The following PIP5K1C variants were observed in gnomAD, a reference collection of about 807,000 sequenced individuals.
The protein encoded by PIP5K1C is phosphatidylinositol-4-phosphate 5-kinase type 1 gamma.
In PIP5K1C, 45 loss-of-function variants were observed where a neutral mutation model predicts 80.1. The ratio of observed to expected loss-of-function variants is 0.56; its 90% CI spans 0.44 to 0.72. The LOEUF (loss-of-function observed/expected upper bound fraction) is 0.72, where lower values mean the gene tolerates loss of function less well. Ranked by LOEUF, PIP5K1C falls within the 30% of genes least tolerant of loss-of-function variation. The pLI, the probability that PIP5K1C is intolerant of heterozygous loss-of-function variation, is 0.00. For synonymous variants in PIP5K1C, 498 were observed against 420.1 expected (o/e 1.19, Z -2.27); for missense variants, 753 against 954.6 (o/e 0.79, Z 2.78).
chr19:3,688,840 C>T lies in PIP5K1C; in HGVS notation c.94+11457G>A, dbSNP rs974640479. ...CCCACGTCGCCATGGCCCCCCACCC[C>T]GTTTTTGAGCCCCCACACAGCCGAA... On this transcript the variant is annotated intron_variant, in intron 1 of 17. Transcript: ENST00000335312. This position sits in a 1 kb window ranked among gnomAD's most constrained non-coding sequence, Gnocchi z 5.3. 3.3e-5 allele frequency among the ~76,000 whole-genome samples: 5 copies of T among 152,190 alleles called. No homozygotes were observed. In the South Asian group the frequency reaches 6.2e-4, roughly 19 times the overall value.
rs922350252 is a variant in PIP5K1C, at chr19:3,692,329, C to T, written c.94+7968G>A. Among the ~76,000 whole-genome samples, 1 of 152,176 alleles carries T rather than the reference C, an allele frequency of 6.6e-6. No homozygotes were observed. The highest frequency in any genetic ancestry group is 1.5e-5 in the Non-Finnish European group (1 of 68,020). On this transcript the variant is annotated intron_variant, in intron 1 of 17. Transcript: ENST00000335312. The surrounding 1 kb of genome is among the most constrained non-coding windows in gnomAD (Gnocchi z 5.2). Reference sequence around the variant, plus strand: ...CCAGTCCCACTGCCGGCTCCCACCACGGCCCCCAACGCTCCCTACAGGGGC... The same window carrying T: ...CCAGTCCCACTGCCGGCTCCCACCATGGCCCCCAACGCTCCCTACAGGGGC...
In PIP5K1C at chr19:3,637,165, G is replaced by A; in HGVS notation, c.1920+1719C>T. ...AGCGGGGCCACGGGCAGCCAGGTCT[G>A]CACGAGTGAGAAGCGTCCACCCAAG... On this transcript the variant is annotated intron_variant, in intron 16 of 17. Coordinates refer to ENST00000335312, the MANE Select transcript of PIP5K1C (RefSeq NM_012398.3). The surrounding 1 kb of genome is among the most constrained non-coding windows in gnomAD (Gnocchi z 7.0). The A allele has an allele frequency of 7.1e-7, 1 of 1,417,074 alleles. No individual in the cohort carries two copies. Among genetic ancestry groups the A allele is most frequent in the Non-Finnish European group, 9.2e-7 (1 of 1,088,416 alleles). The allele number at this position is 1,417,074 out of a possible 1,614,324, so 87.8% of individuals were successfully genotyped here.
chr19:3,689,973 A>G (rs543499957), intron 1 of PIP5K1C, among the ~76,000 whole-genome samples: 1 of 152,050 alleles, frequency 6.6e-6, no homozygotes, highest in Non-Finnish European at 1.5e-5. Context: ...CAAATAAACT[A>G]TTTTTAATAG....
intron 1 of PIP5K1C, among the ~76,000 whole-genome samples, chr19:3,668,200 G>C (rs997636010): frequency 6.6e-6 from 1 of 152,112 alleles, no homozygotes; most frequent in African/African-American, 2.4e-5. Context: ...GCTGGGACGA[G>C]GGGAGCAGGC....
At chr19:3,668,530 TG>T (rs1458708485) in intron 1 of PIP5K1C, 1 of 151,680 alleles carries the variant, frequency 6.6e-6, no homozygotes, top group African/African-American at 2.4e-5. Flanking sequence ...CTCTGCAGCT[TG>T]TGCTGGGCCC....
chr19:3,700,067 G>T (rs1211137234), intron 1 of PIP5K1C, among the ~76,000 whole-genome samples: 1 of 151,934 alleles, frequency 6.6e-6, no homozygotes, highest in Non-Finnish European at 1.5e-5. Flanking sequence ...ACGCCGAGTC[G>T]CCCCCGGCCC....
At chr19:3,671,751 G>A (rs1315947628) in intron 1 of PIP5K1C, among the ~76,000 whole-genome samples, 1 of 152,162 alleles carries the variant, frequency 6.6e-6, no homozygotes. Flanking sequence ...TGCCCAGGGG[G>A]TGGGGGCAGG....
rs369559658 is a variant in PIP5K1C, at chr19:3,692,482, C to T, written c.94+7815G>A. Among the ~76,000 whole-genome samples the T allele has an allele frequency of 5.9e-5, 9 of 152,286 alleles. No homozygotes were observed. Among genetic ancestry groups the T allele is most frequent in the African/African-American group, 1.9e-4 (8 of 41,558 alleles). ...CTCAGGCTAAAATCTTGATTTCAAA[C>T]TCAATCCCCCCTCAGCCCCACACTC... On this transcript the variant is annotated intron_variant, in intron 1 of 17. Transcript: ENST00000335312. The surrounding 1 kb of genome is among the most constrained non-coding windows in gnomAD (Gnocchi z 5.2).
chr19:3,640,923 G>T (rs186317887), intron 15 of PIP5K1C, among the ~76,000 whole-genome samples: 2 of 152,026 alleles, frequency 1.3e-5, no homozygotes, highest in African/African-American at 4.8e-5. Flanking sequence ...TCCTGACCTC[G>T]TGATCCGCCT....
At chr19:3,657,926 G>A (rs942920552) in intron 5 of PIP5K1C, among the ~76,000 whole-genome samples, 2 of 152,106 alleles carry the variant, frequency 1.3e-5, no homozygotes, top group African/African-American at 4.8e-5. Context: ...CAGAGCAAGA[G>A]TGTTTAAAAA....
intron 6 of PIP5K1C, among the ~76,000 whole-genome samples, chr19:3,655,913 A>C (rs1417693976): frequency 6.6e-6 from 1 of 152,096 alleles, no homozygotes; most frequent in East Asian, 1.9e-4. Context: ...CCTTTCTGTG[A>C]GTCATGCGGG....
intron 2 of PIP5K1C, among the ~76,000 whole-genome samples, chr19:3,666,971 C>A (rs1347793526): frequency 6.6e-6 from 1 of 152,126 alleles, no homozygotes; most frequent in Non-Finnish European, 1.5e-5. Context: ...GCCCCCAGTC[C>A]CCCGGCGAGA....
intron 1 of PIP5K1C, among the ~76,000 whole-genome samples, chr19:3,695,123 C>G (rs565572004): frequency 3.3e-5 from 5 of 152,258 alleles, no homozygotes; most frequent in Non-Finnish European, 5.9e-5. Context: ...AGCCTGACGC[C>G]CAGCAACCTG....
chr19:3,684,074 G>A (rs1167969179), intron 1 of PIP5K1C, among the ~76,000 whole-genome samples: 1 of 152,236 alleles, frequency 6.6e-6, no homozygotes, highest in East Asian at 1.9e-4. Context: ...AGATGCTTCG[G>A]TGCCTGGAGC....
At chr19:3,671,087 C>A (rs759357442) in intron 1 of PIP5K1C, among the ~76,000 whole-genome samples, 4 of 152,150 alleles carry the variant, frequency 2.6e-5, no homozygotes, top group African/African-American at 4.8e-5. Context: ...AGGAAGCCAG[C>A]GGTGGGCCGG....
intron 14 of PIP5K1C, among the ~76,000 whole-genome samples, chr19:3,642,019 G>A (rs545407263): frequency 6.6e-6 from 1 of 152,252 alleles, no homozygotes; most frequent in South Asian, 2.1e-4. Context: ...GGGGTGTAGC[G>A]GGCTCTGGGG....
At chr19:3,685,133 A>G (rs1381559715) in intron 1 of PIP5K1C, among the ~76,000 whole-genome samples, 1 of 152,230 alleles carries the variant, frequency 6.6e-6, no homozygotes, top group African/African-American at 2.4e-5. Context: ...AGACCCCTCT[A>G]ATGATAAAAG....
At chr19:3,681,724 C>A (rs1457564731) in intron 1 of PIP5K1C, among the ~76,000 whole-genome samples, 1 of 152,090 alleles carries the variant, frequency 6.6e-6, no homozygotes, top group African/African-American at 2.4e-5. Flanking sequence ...CAGCAACATT[C>A]GCTCCAGCCT....
chr19:3,677,647 G>C (rs2035402771), intron 1 of PIP5K1C, among the ~76,000 whole-genome samples: 2 of 148,612 alleles, frequency 1.3e-5, no homozygotes, highest in South Asian at 4.3e-4. Context: ...ACAGGTGGGG[G>C]TGCTGAGGTC....
Sources: gnomAD v4.1 joint callset for allele counts (sites outside exome capture counted in the v4.1 genomes callset) on GRCh38, gnomAD v4.1.1 for gene constraint, Gnocchi (gnomAD v3.1) non-coding constraint, MANE v1.5 for transcripts, NCBI Gene and HGNC (gene_info 2026-07-23, HGNC 2026-07-21) for gene names.